PCDH11X: variants seen among roughly 807,000 people sequenced by gnomAD.
PCDH11X encodes the protein protocadherin 11 X-linked.
Under a neutral mutation model 53.3 loss-of-function variants are expected in PCDH11X, and 18 were observed. The observed-to-expected ratio is 0.34, with a 90% CI of 0.23 to 0.50. PCDH11X has a LOEUF of 0.50. PCDH11X is among the 20% of genes least tolerant of loss of function. The pLI is 0.98. For synonymous variants in PCDH11X, 279 were observed against 393.3 expected (o/e 0.71, Z 3.44); for missense variants, 570 against 1,032.4 (o/e 0.55, Z 6.14).
chrX:92,215,206 C>T (rs1172683346), intron 7 of PCDH11X, among the ~76,000 whole-genome samples: 2 of 110,407 alleles, frequency 1.8e-5, no homozygotes, highest in African/African-American at 6.6e-5. Context: ...GGGCGCAGGA[C>T]AGTGGTTGCA....
intron 5 of PCDH11X, among the ~76,000 whole-genome samples, chrX:91,874,462 G>T (rs1293484450): frequency 1.8e-5 from 2 of 111,323 alleles, no homozygotes; most frequent in Admixed American, 9.6e-5. Context: ...CACGTTTATT[G>T]TATGAATTAA....
intron 8 of PCDH11X, among the ~76,000 whole-genome samples, chrX:92,366,190 C>T (rs1051298281): frequency 3.6e-5 from 4 of 111,594 alleles, no homozygotes; most frequent in African/African-American, 6.5e-5. Context: ...TTCAGGGATT[C>T]GACTTCTTCC....
At chrX:91,780,762 G>T (rs1445994200) in intron 1 of PCDH11X, among the ~76,000 whole-genome samples, 2 of 112,907 alleles carry the variant, frequency 1.8e-5, no homozygotes, top group Non-Finnish European at 3.7e-5. Context: ...GTATTTTTTA[G>T]ACTTTAGAAG....
intron 10 of PCDH11X, among the ~76,000 whole-genome samples, chrX:92,483,869 T>C (rs1251200013): frequency 9.1e-6 from 1 of 109,976 alleles, no homozygotes; most frequent in African/African-American, 3.3e-5. Context: ...ATATGTTTCA[T>C]TGTGAAAGAA....
chrX:92,176,004 T>C lies in PCDH11X; in HGVS notation c.3034-25371T>C, dbSNP rs4893168. The stretch of plus-strand genomic sequence containing the variant: ...AACTGTCTTAAAACCACAGAAGAAG[T>C]TAGTGGCAAAAATGAAACCAGAACA... On this transcript the variant is annotated intron_variant, in intron 6 of 10. Transcript: ENST00000682573. 7.8e-3 allele frequency among the ~76,000 whole-genome samples: 862 copies of C among 110,658 alleles called. 26 individuals are homozygous for C. The highest frequency in any genetic ancestry group is 0.066 in the Admixed American group (673 of 10,237).
chrX:92,527,129 T>C (rs35810156), intron 10 of PCDH11X, among the ~76,000 whole-genome samples: 58 of 111,533 alleles, frequency 5.2e-4, no homozygotes, highest in African/African-American at 1.7e-3. Context: ...GAAGGGTAGC[T>C]GGGGTTTGGG....
intron 9 of PCDH11X, among the ~76,000 whole-genome samples, chrX:92,426,590 C>G (rs1222367597): frequency 9.4e-6 from 1 of 106,476 alleles, no homozygotes; most frequent in Non-Finnish European, 1.9e-5. Flanking sequence ...ACAATTTTAA[C>G]AATATAATAA....
At chrX:92,493,139 A>G (rs1182576112) in intron 10 of PCDH11X, among the ~76,000 whole-genome samples, 1 of 111,522 alleles carries the variant, frequency 9.0e-6, no homozygotes, top group Non-Finnish European at 1.9e-5. Context: ...ATGGATGCAC[A>G]TTGCATATAC....
chrX:92,109,383 A>T (rs1361982957), intron 6 of PCDH11X, among the ~76,000 whole-genome samples: 2 of 110,076 alleles, frequency 1.8e-5, no homozygotes, highest in African/African-American at 6.7e-5. Context: ...CAAAAAAAAA[A>T]CATTTAAGAT....
intron 9 of PCDH11X, among the ~76,000 whole-genome samples, chrX:92,463,656 C>A (rs1462689982): frequency 1.8e-5 from 2 of 111,339 alleles, no homozygotes; most frequent in East Asian, 2.8e-4. Flanking sequence ...CTTCTCTAAT[C>A]GTTTTATTCT....
At chrX:92,425,614 G>A (rs1170427363) in intron 9 of PCDH11X, among the ~76,000 whole-genome samples, 2 of 108,568 alleles carry the variant, frequency 1.8e-5, no homozygotes, top group Non-Finnish European at 3.8e-5. Flanking sequence ...AGATATACAG[G>A]GCTGTATTTT....
Position 92,176,883 on chromosome X carries a change from C to T in PCDH11X, c.3034-24492C>T, listed in dbSNP as rs143489872. Among the ~76,000 whole-genome samples, 428 of 110,577 alleles carry T rather than the reference C, an allele frequency of 3.9e-3. 5 individuals carry two copies. The highest frequency in any genetic ancestry group is 0.013 in the African/African-American group (407 of 30,453). On this transcript the variant is annotated intron_variant, in intron 6 of 10. Transcript: ENST00000682573. ...TTAGAACAGATTGGCACACTTTTTG[C>T]GGGTGTTGGGAGTGGGGAGCAAAGA...
At position 92,339,187 on chromosome X, in the gene PCDH11X, A is replaced by C. The variant is rs915471462; in HGVS notation, c.3145-48548A>C. On this transcript the variant is annotated intron_variant, in intron 8 of 10. Coordinates refer to ENST00000682573, the MANE Select transcript of PCDH11X (RefSeq NM_032968.5). ...ATGAATAAATAACTCCATATTCAAT[A>C]AATGCTGCTAGGAAAACTGGCTATC... Among the ~76,000 whole-genome samples the C allele has an allele frequency of 1.1e-4, 12 of 112,262 alleles. No individual in the cohort carries two copies. In the Admixed American group the frequency reaches 1.1e-3, roughly 11 times the overall value.
At chrX:92,518,931 G>C (rs1242729255) in intron 10 of PCDH11X, among the ~76,000 whole-genome samples, 1 of 107,543 alleles carries the variant, frequency 9.3e-6, no homozygotes, top group Non-Finnish European at 1.9e-5. Flanking sequence ...TAATTTTTTT[G>C]TATTTTTAGT....
rs191662228 is a variant in PCDH11X, at chrX:92,113,392, A to G, written c.3034-87983A>G. The G allele has an allele frequency of 3.8e-4, 461 of 1,200,266 alleles. 34 individuals carry two copies. The African/African-American group carries it at 7.6e-3, about 20-fold the overall frequency. Reference sequence around the variant, plus strand: ...CTGTCCACCTCGACTGATTCTGTGGATATAGTTTTCCCTGTTGGTGGGAAG... The same window carrying G: ...CTGTCCACCTCGACTGATTCTGTGGGTATAGTTTTCCCTGTTGGTGGGAAG... On this transcript the variant is annotated intron_variant, in intron 6 of 10. Coordinates refer to ENST00000682573, the MANE Select transcript of PCDH11X (RefSeq NM_032968.5).
At chrX:91,787,379 C>G (rs774187458) in intron 1 of PCDH11X, among the ~76,000 whole-genome samples, 3 of 111,023 alleles carry the variant, frequency 2.7e-5, no homozygotes, top group African/African-American at 9.8e-5. Flanking sequence ...TATTAAGCCC[C>G]CAAAATTCAA....
At chrX:92,144,408 T>C (rs1326388500) in intron 6 of PCDH11X, among the ~76,000 whole-genome samples, 3 of 110,593 alleles carry the variant, frequency 2.7e-5, no homozygotes, top group Non-Finnish European at 1.9e-5. Flanking sequence ...TTGAATCAAG[T>C]GGGCCAGTCT....
At chrX:91,821,146 G>C (rs1429855199) in intron 4 of PCDH11X, among the ~76,000 whole-genome samples, 5 of 106,971 alleles carry the variant, frequency 4.7e-5, no homozygotes, top group Non-Finnish European at 7.6e-5. Context: ...GGATTGACTT[G>C]GCGATGCGGG....
rs1311077274 is a variant in PCDH11X, at chrX:92,401,033, T to G, written c.3343+13100T>G. Among the ~76,000 whole-genome samples, 7 of 103,387 alleles carry G rather than the reference T, an allele frequency of 6.8e-5. No homozygotes were observed. In the East Asian group the frequency reaches 2.0e-3, roughly 29 times the overall value. The allele number at this position is 103,387 out of a possible 115,157, so 89.8% of individuals were successfully genotyped here. ...GCAGTTTAAAACTGATTATTTTATT[T>G]GTTTCAAATTATTTTAGCATTCTCA... On this transcript the variant is annotated intron_variant, in intron 9 of 10. Coordinates refer to ENST00000682573, the MANE Select transcript of PCDH11X (RefSeq NM_032968.5).
Sources: allele counts gnomAD v4.1 joint callset (sites outside exome capture counted in the v4.1 genomes callset), GRCh38; gene constraint gnomAD v4.1.1; transcripts MANE v1.5; gene names NCBI Gene and HGNC (gene_info 2026-07-23, HGNC 2026-07-21).